Variants in PCDHGB3 observed in about 807,000 individuals in gnomAD.
The protein encoded by PCDHGB3 is protocadherin gamma-B3.
A neutral mutation model predicts 59.2 loss-of-function variants in PCDHGB3; 40 were observed. The ratio of observed to expected loss-of-function variants is 0.68; its 90% CI spans 0.52 to 0.88. The LOEUF is 0.88. Among genes scored for constraint, PCDHGB3 ranks in the 40% least tolerant of loss-of-function variants. The probability of loss-of-function intolerance (pLI) is 0.00; values close to 1 mark genes in which losing one functional copy is unlikely to be tolerated. For missense variants in PCDHGB3, 1,309 were observed against 1,187.9 expected (o/e 1.10, Z -1.50); for synonymous variants, 581 against 503.6 (o/e 1.15, Z -2.06).
rs539038497 is a variant in PCDHGB3 at position 141,420,464 on chromosome 5, C to T, written c.2415+47655C>T. 2.0e-4 allele frequency: 164 copies of T among 801,490 alleles called. 1 individual carries two copies. In the South Asian group the frequency reaches 6.4e-3, roughly 31 times the overall value. 49.6% of individuals were successfully genotyped at this position (801,490 alleles called of 1,614,324 possible). ...CCTCAGTCTTCCTACTATTCAAAGA[C>T]ATTTTAAAGCAAACTACATGGGTAA... On this transcript the variant is annotated intron_variant, in intron 1 of 3. Transcript: ENST00000576222.
rs1767458792 is a variant in PCDHGB3 at position 141,371,070 on chromosome 5, A to G, written c.676A>G (p.Thr226Ala). ...DGGEPSRSCT[T>A]QIRVIVADAN... ...GGGCGAGCCCTCCAGAAGCTGTACCACCCAGATCAGGGTAATTGTCGCAGA... is the reference window on the plus strand; with the variant it reads ...GGGCGAGCCCTCCAGAAGCTGTACCGCCCAGATCAGGGTAATTGTCGCAGA... The change falls in exon 1 of 4, where the codon ACC (threonine) becomes GCC (alanine). Residue 226 changes from threonine (T) to alanine (A), a missense_variant. Thr to Ala is a moderately conservative substitution (Grantham distance 58). Coordinates refer to ENST00000576222, the MANE Select transcript of PCDHGB3 (RefSeq NM_018924.5). The G allele has an allele frequency of 3.7e-6, 6 of 1,613,796 alleles. No individual in the cohort carries two copies. The highest frequency in any genetic ancestry group is 5.1e-6 in the Non-Finnish European group (6 of 1,179,860).
intron 1 of PCDHGB3, among the ~76,000 whole-genome samples, chr5:141,381,832 T>C (rs1244036161): frequency 1.7e-4 from 23 of 135,134 alleles, no homozygotes; most frequent in African/African-American, 6.3e-4. Context: ...TCTTCTTTTT[T>C]TTTTTTTTTT....
chr5:141,503,616 A>G (rs1260134621), intron 2 of PCDHGB3, among the ~76,000 whole-genome samples: 2 of 150,944 alleles, frequency 1.3e-5, no homozygotes, highest in African/African-American at 2.4e-5. Context: ...AAAAAAAAAG[A>G]AAAAAGAAAA....
At chr5:141,405,082 G>A (rs376389835) in intron 1 of PCDHGB3, 21 of 1,613,674 alleles carry the variant, frequency 1.3e-5, no homozygotes, top group East Asian at 2.2e-5. Context: ...TCGTTATCAC[G>A]CTGCTGGCCC....
chr5:141,429,389 A>T (rs6890456), intron 1 of PCDHGB3, among the ~76,000 whole-genome samples: 7,460 of 147,570 alleles, frequency 0.051, 197 homozygotes, highest in South Asian at 0.075. Flanking sequence ...TTTTTTTTTA[A>T]AAAAAATTGA....
chr5:141,486,019 T>C lies in PCDHGB3; in HGVS notation c.2416-8788T>C, dbSNP rs2078071. 3.2e-3 allele frequency: 5,143 copies of C among 1,613,986 alleles called. 141 individuals carry two copies. In the South Asian group the frequency reaches 0.046, roughly 14 times the overall value. ...GTGGTAACGTCACCTTTTATTTCAG[T>C]GGTCATACCCCTGATCGTGTAAGAA... On this transcript the variant is annotated intron_variant, in intron 1 of 3. Transcript: ENST00000576222. The surrounding 1 kb of genome is among the most constrained non-coding windows in gnomAD (Gnocchi z 5.0).
intron 2 of PCDHGB3, among the ~76,000 whole-genome samples, chr5:141,500,023 G>C (rs1393994881): frequency 1.3e-5 from 2 of 151,754 alleles, no homozygotes; most frequent in Admixed American, 6.6e-5. Flanking sequence ...TTTTATATTT[G>C]AGTGAGTGTC....
intron 1 of PCDHGB3, among the ~76,000 whole-genome samples, chr5:141,469,909 C>G (rs760329158): frequency 2.0e-5 from 3 of 152,120 alleles, no homozygotes; most frequent in Non-Finnish European, 2.9e-5. Context: ...GGCAGGCAGA[C>G]CACCCGAGGT....
At position 141,497,540 on chromosome 5, in the gene PCDHGB3, C is replaced by CT. The variant is rs754207034; in HGVS notation, c.2474+2693dup. On this transcript the variant is annotated intron_variant, in intron 2 of 3. Transcript: ENST00000576222. Reference sequence around the variant, plus strand: ...TTAACTTGTGGAGGATGCAACAAACCTTTTTTTTTTTTTTTTTTAGACAGA... The same window carrying CT: ...TTAACTTGTGGAGGATGCAACAAACCTTTTTTTTTTTTTTTTTTTAGACAGA... Among the ~76,000 whole-genome samples, 618 of 134,908 alleles carry CT rather than the reference C, an allele frequency of 4.6e-3. 3 individuals carry two copies. The highest frequency in any genetic ancestry group is 0.012 in the African/African-American group (419 of 35,974). 88.5% of individuals were successfully genotyped at this position (134,908 alleles called of 152,430 possible). A position where few individuals can be genotyped will look rare whatever the true frequency, so the allele number is the denominator to read the frequency against.
At chr5:141,460,047 C>T (rs2098981053) in intron 1 of PCDHGB3, among the ~76,000 whole-genome samples, 1 of 152,102 alleles carries the variant, frequency 6.6e-6, no homozygotes. Context: ...CACTGCACTC[C>T]AGCCTGGGCA....
chr5:141,413,283 C>G (rs377443382), intron 1 of PCDHGB3: 1 of 1,613,966 alleles, frequency 6.2e-7, no homozygotes, highest in Admixed American at 1.7e-5. Context: ...GGCAGATCTC[C>G]TACTCAATTC....
At chr5:141,385,514 G>C (rs928847931) in intron 1 of PCDHGB3, 3 of 1,363,488 alleles carry the variant, frequency 2.2e-6, no homozygotes, top group Non-Finnish European at 2.8e-6. Context: ...TTTAGTGAAA[G>C]CCTATGGACA....
chr5:141,462,959 G>A lies in PCDHGB3; in HGVS notation c.2416-31848G>A, dbSNP rs188938907. 5.1e-3 allele frequency among the ~76,000 whole-genome samples: 776 copies of A among 152,188 alleles called. 5 individuals are homozygous for A. Among genetic ancestry groups the A allele is most frequent in the Non-Finnish European group, 8.2e-3 (557 of 67,994 alleles). On this transcript the variant is annotated intron_variant, in intron 1 of 3. Transcript: ENST00000576222. ...AAGGCTTGTTTTTAAGCTTTGTTAGGACAGGTCTGTAGTAACTTTTGCCTT... is the reference window on the plus strand; with the variant it reads ...AAGGCTTGTTTTTAAGCTTTGTTAGAACAGGTCTGTAGTAACTTTTGCCTT...
chr5:141,481,445 T>C (rs760413279), intron 1 of PCDHGB3, among the ~76,000 whole-genome samples: 2 of 152,260 alleles, frequency 1.3e-5, no homozygotes, highest in Non-Finnish European at 2.9e-5. Context: ...GTTTAGTACA[T>C]GTAAATACAC....
chr5:141,410,024 G>T (rs771946302), intron 1 of PCDHGB3: 4 of 1,613,164 alleles, frequency 2.5e-6, no homozygotes, highest in Non-Finnish European at 3.4e-6. Flanking sequence ...GTCCTACCAC[G>T]TGCTGCAGGC....
rs2233602 is a variant in PCDHGB3, at chr5:141,490,032, C to T, written c.2416-4775C>T. 47,990 of 1,614,182 alleles carry T rather than the reference C, an allele frequency of 0.03. 1,413 individuals are homozygous for T. Among genetic ancestry groups the T allele is most frequent in the African/African-American group, 0.15 (11,444 of 75,040 alleles). On this transcript the variant is annotated intron_variant, in intron 1 of 3. Coordinates refer to ENST00000576222, the MANE Select transcript of PCDHGB3 (RefSeq NM_018924.5). The surrounding 1 kb of genome is among the most constrained non-coding windows in gnomAD (Gnocchi z 5.4). ...CCATTGGTACTCTGCTGCTCCGCCT[C>T]AATGCCACTGATCCAGACGAGGGCA...
chr5:141,425,194 A>G (rs1464968527), intron 1 of PCDHGB3, among the ~76,000 whole-genome samples: 1 of 152,206 alleles, frequency 6.6e-6, no homozygotes, highest in Non-Finnish European at 1.5e-5. Context: ...CAAACTGAGA[A>G]AAATGATGTA....
At chr5:141,501,116 C>T (rs1325487254) in intron 2 of PCDHGB3, among the ~76,000 whole-genome samples, 1 of 152,154 alleles carries the variant, frequency 6.6e-6, no homozygotes, top group Non-Finnish European at 1.5e-5. Flanking sequence ...ATCCGCCTGC[C>T]TCAGCCTCCC....
At position 141,371,633 on chromosome 5, in the gene PCDHGB3, G is replaced by A. The variant is rs771305412; in HGVS notation, c.1239G>A (p.Glu413=). 7 of 1,614,040 alleles carry A rather than the reference G, an allele frequency of 4.3e-6. No homozygotes were observed. In the Admixed American group the frequency reaches 1.2e-4, roughly 27 times the overall value. ...TGACAGATGGAGCCCTGGACCGGGAGCAGATCCCAGAATACAATGTGACGA... is the reference window on the plus strand; with the variant it reads ...TGACAGATGGAGCCCTGGACCGGGAACAGATCCCAGAATACAATGTGACGA... ...RLVTDGALDR[E]QIPEYNVTIT... is the part of the protein sequence containing the mutation. The change falls in exon 1 of 4, where the codon GAG becomes GAA. Residue 413 remains glutamate (E), a synonymous_variant. Coordinates refer to ENST00000576222, the MANE Select transcript of PCDHGB3 (RefSeq NM_018924.5).
Sources: allele counts gnomAD v4.1 joint callset (sites outside exome capture counted in the v4.1 genomes callset), GRCh38; gene constraint gnomAD v4.1.1; non-coding constraint Gnocchi (gnomAD v3.1); transcripts MANE v1.5; gene names NCBI Gene and HGNC (gene_info 2026-07-23, HGNC 2026-07-21).